SORCS1: variants seen among roughly 807,000 people sequenced by gnomAD.
SORCS1 encodes the protein sortilin related VPS10 domain containing receptor 1, also known as VPS10 domain-containing receptor SorCS1.
In SORCS1, 60 loss-of-function variants were observed where a neutral mutation model predicts 146.1. The observed-to-expected ratio is 0.41, with a 90% CI of 0.33 to 0.51. The LOEUF is 0.51. Ranked by LOEUF, SORCS1 falls within the 20% of genes least tolerant of loss-of-function variation. SORCS1 has a pLI of 0.21. For synonymous variants in SORCS1, 637 were observed against 584.0 expected (o/e 1.09, Z -1.31); for missense variants, 1,352 against 1,487.6 (o/e 0.91, Z 1.50).
chr10:106,755,800 G>A (rs929687183), intron 5 of SORCS1, among the ~76,000 whole-genome samples: 6 of 152,144 alleles, frequency 3.9e-5, no homozygotes, highest in Non-Finnish European at 5.9e-5. Context: ...GAGAAAAAGA[G>A]ACAGACTGGC....
intron 4 of SORCS1, among the ~76,000 whole-genome samples, chr10:106,773,745 TG>T (rs745978151): frequency 3.9e-4 from 60 of 152,118 alleles, no homozygotes; most frequent in Non-Finnish European, 7.8e-4. Flanking sequence ...GTCAGGAGTT[TG>T]AGACCAGCCT....
At chr10:107,124,593 G>C (rs556902422) in intron 1 of SORCS1, among the ~76,000 whole-genome samples, 6 of 152,156 alleles carry the variant, frequency 3.9e-5, no homozygotes, top group African/African-American at 1.4e-4. Flanking sequence ...CATTTTGCTG[G>C]GAACTGGTGG....
chr10:106,691,531 T>G (rs1359244185), intron 9 of SORCS1, among the ~76,000 whole-genome samples: 4 of 152,236 alleles, frequency 2.6e-5, no homozygotes, highest in African/African-American at 7.2e-5. Context: ...AAATATGAAG[T>G]GTTATAGCTC....
At chr10:106,745,003 C>A (rs1379782067) in intron 5 of SORCS1, among the ~76,000 whole-genome samples, 1 of 152,112 alleles carries the variant, frequency 6.6e-6, no homozygotes, top group African/African-American at 2.4e-5. Context: ...TAAAAAAAGA[C>A]CAACAAAAAG....
chr10:106,989,485 A>G (rs965271582), intron 1 of SORCS1, among the ~76,000 whole-genome samples: 3 of 151,714 alleles, frequency 2.0e-5, no homozygotes, highest in Non-Finnish European at 4.4e-5. Flanking sequence ...GGCACTTTTG[A>G]CACTTTAAGG....
At chr10:106,744,267 G>A (rs1857562010) in intron 5 of SORCS1, among the ~76,000 whole-genome samples, 1 of 152,100 alleles carries the variant, frequency 6.6e-6, no homozygotes, top group South Asian at 2.1e-4. Context: ...ACCAGGCCCA[G>A]CTAATTTTTT....
chr10:106,815,739 T>A (rs907968388), intron 3 of SORCS1, among the ~76,000 whole-genome samples: 1 of 152,172 alleles, frequency 6.6e-6, no homozygotes, highest in African/African-American at 2.4e-5. Flanking sequence ...GTCTATAAAA[T>A]TTCAAATAGT....
intron 1 of SORCS1, among the ~76,000 whole-genome samples, chr10:107,019,608 C>T (rs1215073988): frequency 2.0e-5 from 3 of 152,230 alleles, no homozygotes; most frequent in Non-Finnish European, 4.4e-5. Context: ...TCTCTGCAGG[C>T]TCCTTCTAGC....
intron 6 of SORCS1, among the ~76,000 whole-genome samples, chr10:106,710,024 C>T (rs966621534): frequency 4.6e-5 from 7 of 152,122 alleles, no homozygotes; most frequent in Non-Finnish European, 1.0e-4. Flanking sequence ...TAGGTTTCAC[C>T]TTCACACTTT....
At chr10:107,074,532 T>A (rs141631302) in intron 1 of SORCS1, among the ~76,000 whole-genome samples, 1 of 152,324 alleles carries the variant, frequency 6.6e-6, no homozygotes, top group Non-Finnish European at 1.5e-5. Flanking sequence ...CGTGTGGACA[T>A]AAGTTTTCAA....
intron 2 of SORCS1, among the ~76,000 whole-genome samples, chr10:106,886,522 G>A (rs368044582): frequency 1.3e-5 from 2 of 152,248 alleles, no homozygotes; most frequent in African/African-American, 4.8e-5. Context: ...GATTATAGAG[G>A]AGGCTGTCTT....
At chr10:107,039,282 C>G (rs142017404) in intron 1 of SORCS1, among the ~76,000 whole-genome samples, 6 of 144,942 alleles carry the variant, frequency 4.1e-5, no homozygotes, top group Non-Finnish European at 7.5e-5. Context: ...GAGCGTAGAT[C>G]GCGTCACTGC....
At chr10:107,028,488 A>G (rs1195895124) in intron 1 of SORCS1, among the ~76,000 whole-genome samples, 5 of 152,226 alleles carry the variant, frequency 3.3e-5, no homozygotes, top group Non-Finnish European at 7.3e-5. Context: ...TAGTCACTAC[A>G]ATACAGTGTA....
intron 19 of SORCS1, among the ~76,000 whole-genome samples, chr10:106,628,361 A>C (rs1355451629): frequency 6.6e-6 from 1 of 152,224 alleles, no homozygotes; most frequent in African/African-American, 2.4e-5. Context: ...TGGAGTAATA[A>C]TGGCTGGCCT....
At chr10:106,829,269 CTTCT>C (rs1251765956) in intron 3 of SORCS1, among the ~76,000 whole-genome samples, 4 of 152,190 alleles carry the variant, frequency 2.6e-5, no homozygotes. Context: ...CATTCTGACT[CTTCT>C]GATTGACTGG....
chr10:107,003,401 T>C (rs755446230), intron 1 of SORCS1, among the ~76,000 whole-genome samples: 2 of 151,670 alleles, frequency 1.3e-5, no homozygotes, highest in African/African-American at 2.4e-5. Context: ...ATGTGTTGTG[T>C]GTATAGAGAG....
chr10:106,700,172 T>C (rs1854028865), intron 8 of SORCS1, among the ~76,000 whole-genome samples: 1 of 152,188 alleles, frequency 6.6e-6, no homozygotes, highest in South Asian at 2.1e-4. Flanking sequence ...AGCCTGTTTG[T>C]CCTGGAAGAT....
intron 2 of SORCS1, among the ~76,000 whole-genome samples, chr10:106,883,347 T>C (rs1589624913): frequency 6.6e-6 from 1 of 152,304 alleles, no homozygotes; most frequent in African/African-American, 2.4e-5. Context: ...TTCTACGCCA[T>C]GCTCAAAGAC....
the SORCS1 span, among the ~76,000 whole-genome samples, chr10:107,170,414 A>G: frequency 6.6e-6 from 1 of 152,150 alleles, no homozygotes; most frequent in African/African-American, 2.4e-5. Flanking sequence ...ACCTCAAAAA[A>G]CTCTTTAAAG....
Sources: gnomAD v4.1 joint callset for allele counts (sites outside exome capture counted in the v4.1 genomes callset) on GRCh38, gnomAD v4.1.1 for gene constraint, MANE v1.5 for transcripts, NCBI Gene and HGNC (gene_info 2026-07-23, HGNC 2026-07-21) for gene names.